The following SLC4A8 variants were observed in gnomAD, a reference collection of about 807,000 sequenced individuals.
The protein encoded by SLC4A8 is solute carrier family 4 member 8, also known as electroneutral sodium bicarbonate exchanger 1.
In SLC4A8, 40 loss-of-function variants were observed where a neutral mutation model predicts 125.0. The ratio of observed to expected loss-of-function variants is 0.32; its 90% CI spans 0.25 to 0.42. The LOEUF (loss-of-function observed/expected upper bound fraction) is 0.42, where lower values mean the gene tolerates loss of function less well. SLC4A8 is among the 10% of genes least tolerant of loss of function. The pLI is 1.00. For synonymous variants in SLC4A8, 456 were observed against 476.0 expected, an observed-to-expected ratio of 0.96 and a Z score of 0.55; for missense variants, 863 against 1,355.1, an observed-to-expected ratio of 0.64 and a Z score of 5.70.
intron 21 of SLC4A8, 127 bp downstream of exon 21, chr12:51,495,245 G>A: frequency 1.3e-6 from 1 of 764,306 alleles, no homozygotes; most frequent in Non-Finnish European, 2.0e-6. Context: ...TCACATTGCT[G>A]TGGAGCTATT....
At chr12:51,473,696 T>C (rs944490900) in intron 14 of SLC4A8, among the ~76,000 whole-genome samples, 12 of 152,172 alleles carry the variant, frequency 7.9e-5, no homozygotes, top group African/African-American at 2.9e-4. Flanking sequence ...TGGTGGCCAA[T>C]GGCACAGGTG....
At chr12:51,445,792 A>C (rs1368608502) in intron 2 of SLC4A8, among the ~76,000 whole-genome samples, 1 of 151,862 alleles carries the variant, frequency 6.6e-6, no homozygotes. Context: ...CTAGCATTTT[A>C]CCTTATTTGG....
chr12:51,434,707 C>T (rs1442525046), intron 1 of SLC4A8, among the ~76,000 whole-genome samples: 1 of 152,098 alleles, frequency 6.6e-6, no homozygotes, highest in Non-Finnish European at 1.5e-5. Context: ...CCCTCTGTTT[C>T]TCTAGATTCC....
chr12:51,429,619 C>T (rs1340522132), intron 1 of SLC4A8, among the ~76,000 whole-genome samples: 1 of 152,090 alleles, frequency 6.6e-6, no homozygotes, highest in Admixed American at 6.6e-5. Context: ...CCTTCCACTT[C>T]AGCCTCCCTA....
chr12:51,447,161 C>A (rs1377359763), intron 2 of SLC4A8, among the ~76,000 whole-genome samples: 1 of 151,862 alleles, frequency 6.6e-6, no homozygotes, highest in Non-Finnish European at 1.5e-5. Flanking sequence ...TAAGCTCATG[C>A]AGCTTTGAAC....
Position 51,463,709 on chromosome 12 carries a change from T to C in SLC4A8, c.1344T>C (p.Thr448=), listed in dbSNP as rs1358771447. The change falls in exon 11 of 25, where the codon ACT becomes ACC. Residue 448 remains threonine (T), a synonymous_variant. Coordinates refer to ENST00000453097, the MANE Select transcript of SLC4A8 (RefSeq NM_001039960.3). ...ACAGTGGGCCAGAACTTCAGCGCAC[T>C]GGGCGGTAAGTCCTGGGACGTTTCA... ...GGHSGPELQR[T]GRLFGGLVLD... is the part of the protein sequence containing the mutation. 1.9e-6 allele frequency: 3 copies of C among 1,611,314 alleles called. No individual in the cohort carries two copies. Among genetic ancestry groups the C allele is most frequent in the Non-Finnish European group, 2.5e-6 (3 of 1,177,558 alleles).
intron 17 of SLC4A8, among the ~76,000 whole-genome samples, chr12:51,487,109 TCTGTG>T (rs758427591): frequency 1.2e-4 from 19 of 152,182 alleles, no homozygotes; most frequent in Non-Finnish European, 2.6e-4. Context: ...TTCTGGGACA[TCTGTG>T]AAGAACGCCT....
intron 2 of SLC4A8, among the ~76,000 whole-genome samples, chr12:51,444,273 A>G (rs1013826257): frequency 4.6e-5 from 7 of 152,116 alleles, no homozygotes; most frequent in African/African-American, 1.7e-4. Context: ...TCTGTTTGTC[A>G]TCTTTTCTGC....
In SLC4A8 at chr12:51,450,888, T is replaced by C. The variant is rs936218655; in HGVS notation, c.143T>C (p.Leu48Pro). 4 of 1,613,302 alleles carry C rather than the reference T, an allele frequency of 2.5e-6. No homozygotes were observed. The highest frequency in any genetic ancestry group is 2.7e-5 in the African/African-American group (2 of 74,916). Residue 48 changes from leucine to proline, a missense_variant, in exon 3 of 25, where the codon CTG becomes CCG. Leu to Pro is a moderately conservative substitution (Grantham distance 98). Coordinates refer to ENST00000453097, the MANE Select transcript of SLC4A8 (RefSeq NM_001039960.3). ...EKEELEGHRT[L>P]YVGVRMPLGR... is the part of the protein sequence containing the mutation. ...TGCTTCTTTCCAGGTCACAGAACTC[T>C]GTATGTGGGAGTTCGGATGCCGCTT... is the stretch of plus-strand genomic sequence containing the variant.
At chr12:51,451,714 A>G (rs1000976949) in intron 3 of SLC4A8, among the ~76,000 whole-genome samples, 5 of 152,016 alleles carry the variant, frequency 3.3e-5, no homozygotes, top group Non-Finnish European at 7.4e-5. Flanking sequence ...GAAAAGAACA[A>G]TATGGGAATG....
rs767679317 is a variant in SLC4A8 at position 51,490,562 on chromosome 12, CAAAAAAAAAAAAA to C, written c.2700+621_2700+633del. Among the ~76,000 whole-genome samples the C allele has an allele frequency of 1.1e-4, 4 of 37,578 alleles. No individual in the cohort carries two copies. The South Asian group carries it at 3.7e-3, about 35-fold the overall frequency. 24.7% of individuals were successfully genotyped at this position (37,578 alleles called of 152,430 possible). A position where few individuals can be genotyped will look rare whatever the true frequency, so the allele number is the denominator to read the frequency against. ...AGGGCAACAGAGCGAGACTCCATCT[CAAAAAAAAAAAAA>C]AAAAAAAAAGATGAGGTGGAGCCAT... On this transcript the variant is annotated intron_variant, in intron 19 of 24. Coordinates refer to ENST00000453097, the MANE Select transcript of SLC4A8 (RefSeq NM_001039960.3).
At chr12:51,490,061 T>C (rs1160612441) in intron 19 of SLC4A8, 110 bp downstream of exon 19, 1 of 1,038,228 alleles carries the variant, frequency 9.6e-7, no homozygotes, top group Non-Finnish European at 1.4e-6. Context: ...TATAAATCCC[T>C]GCCCTGAAAG....
At chr12:51,447,448 A>T (rs1047823301) in intron 2 of SLC4A8, among the ~76,000 whole-genome samples, 3 of 152,098 alleles carry the variant, frequency 2.0e-5, no homozygotes, top group African/African-American at 7.2e-5. Context: ...AATCAGAAAA[A>T]ATACCAAGAA....
intron 1 of SLC4A8, among the ~76,000 whole-genome samples, chr12:51,415,014 T>G (rs1344571084): frequency 6.6e-6 from 1 of 152,226 alleles, no homozygotes; most frequent in African/African-American, 2.4e-5. Flanking sequence ...TCCCACTTGA[T>G]TATGATGCAG....
Position 51,408,422 on chromosome 12 carries a change from C to G in SLC4A8, c.-112+16934C>G, listed in dbSNP as rs539642860. Among the ~76,000 whole-genome samples, 23 of 151,808 alleles carry G rather than the reference C, an allele frequency of 1.5e-4. No individual in the cohort carries two copies. The South Asian group carries it at 4.8e-3, about 32-fold the overall frequency. On this transcript the variant is annotated intron_variant, in intron 1 of 24. Coordinates refer to the SLC4A8 transcript ENST00000358657. The stretch of plus-strand genomic sequence containing the variant: ...TTTTTTGTATTTTTTTTTTTAGTAG[C>G]GATGGGGTTTCTCCATGCTGGCCAG...
At chr12:51,465,095 G>A (rs1051376699) in intron 11 of SLC4A8, among the ~76,000 whole-genome samples, 1 of 152,166 alleles carries the variant, frequency 6.6e-6, no homozygotes, top group Non-Finnish European at 1.5e-5. Context: ...GGGAGGCCTG[G>A]TATTGAGAGG....
chr12:51,476,403 C>T (rs1012064389), intron 16 of SLC4A8, among the ~76,000 whole-genome samples: 4 of 151,944 alleles, frequency 2.6e-5, no homozygotes, highest in South Asian at 2.1e-4. Flanking sequence ...ATCAATTGAA[C>T]CCAGAAGGTG....
At chr12:51,485,375 G>C (rs1951134897) in intron 16 of SLC4A8, among the ~76,000 whole-genome samples, 1 of 152,150 alleles carries the variant, frequency 6.6e-6, no homozygotes, top group Non-Finnish European at 1.5e-5. Flanking sequence ...TGTTCTGAAG[G>C]GAGAGCCAAT....
At chr12:51,412,614 T>C (rs1447735799) in intron 1 of SLC4A8, among the ~76,000 whole-genome samples, 2 of 152,210 alleles carry the variant, frequency 1.3e-5, no homozygotes, top group African/African-American at 4.8e-5. Flanking sequence ...CTGGTAACTA[T>C]CATACTGCTC....
Sources: gnomAD v4.1 joint callset for allele counts (sites outside exome capture counted in the v4.1 genomes callset) on GRCh38, gnomAD v4.1.1 for gene constraint, MANE v1.5 for transcripts, NCBI Gene and HGNC (gene_info 2026-07-23, HGNC 2026-07-21) for gene names.